The following ALDH9A1 variants were observed in gnomAD, a reference collection of about 807,000 sequenced individuals.
The protein encoded by ALDH9A1 is 4-trimethylaminobutyraldehyde dehydrogenase.
A neutral mutation model predicts 56.6 loss-of-function variants in ALDH9A1; 42 were observed. The ratio of observed to expected loss-of-function variants is 0.74; its 90% CI spans 0.58 to 0.96. The LOEUF (loss-of-function observed/expected upper bound fraction) is 0.96, where lower values mean the gene tolerates loss of function less well. ALDH9A1 is among the 40% of genes least tolerant of loss of function. The pLI, the probability that ALDH9A1 is intolerant of heterozygous loss-of-function variation, is 0.00. For missense variants in ALDH9A1, 661 were observed against 651.5 expected, an observed-to-expected ratio of 1.01 and a Z score of -0.16; for synonymous variants, 242 against 236.0, an observed-to-expected ratio of 1.03 and a Z score of -0.23.
Position 165,667,407 on chromosome 1 carries a change from A to C in ALDH9A1, c.1251T>G (p.Phe417Leu). The change falls in exon 9 of 11, where the codon TTT becomes TTG. Residue 417 changes from phenylalanine to leucine, a missense_variant. Phe to Leu is a conservative substitution (Grantham distance 22, BLOSUM62 0). Coordinates refer to ENST00000354775, the MANE Select transcript of ALDH9A1 (RefSeq NM_000696.4). The part of the protein sequence containing the change: ...DDMTCVKEEI[F>L]GPVMSILSFD... ...ATGATAAAATGGACATAACAGGCCC[A>C]AAGATCTCTTCCTTCACACAGGTCA... The C allele has an allele frequency of 1.2e-6, 2 of 1,614,154 alleles. No individual in the cohort carries two copies. The highest frequency in any genetic ancestry group is 4.5e-5 in the East Asian group (2 of 44,888).
intron 2 of ALDH9A1, 40 bp from the exon 3 acceptor site, chr1:165,683,150 AAT>A: frequency 6.2e-7 from 1 of 1,604,558 alleles, no homozygotes; most frequent in Non-Finnish European, 8.5e-7. Context: ...GACATATTCC[AAT>A]ATGTCTTGAT....
At chr1:165,667,242 T>C in intron 9 of ALDH9A1, 67 bp downstream of exon 9, 1 of 1,585,036 alleles carries the variant, frequency 6.3e-7, no homozygotes, top group Non-Finnish European at 8.6e-7. Flanking sequence ...TAGGATCAAT[T>C]AAATATCTAA....
At position 165,687,626 on chromosome 1, in the gene ALDH9A1, T is replaced by G. The variant is rs564326903; in HGVS notation, c.328-4516A>C. 2.0e-5 allele frequency among the ~76,000 whole-genome samples: 3 copies of G among 152,230 alleles called. No individual in the cohort carries two copies. The South Asian group carries it at 6.2e-4, about 32-fold the overall frequency. ...ATTTACCTACAATTCATTCAAAAAT[T>G]AATGCAAAAGAAAGACTTTTTTAGA... On this transcript the variant is annotated intron_variant, in intron 2 of 10. Transcript: ENST00000354775.
Position 165,672,290 on chromosome 1 carries a change from T to C in ALDH9A1, c.931-2840A>G, listed in dbSNP as rs955718440. Among the ~76,000 whole-genome samples, 4 of 152,174 alleles carry C rather than the reference T, an allele frequency of 2.6e-5. No homozygotes were observed. In the East Asian group the frequency reaches 7.7e-4, roughly 29 times the overall value. ...TGTGTGTGTGTGTATGTGTGCTGTG[T>C]GTGTATACATACATACAATGGAATA... On this transcript the variant is annotated intron_variant, in intron 6 of 10. Coordinates refer to ENST00000354775, the MANE Select transcript of ALDH9A1 (RefSeq NM_000696.4).
rs1440626989 is a variant in ALDH9A1, at chr1:165,698,395, G to T, written c.164C>A (p.Ala55Asp). The T allele has an allele frequency of 3.1e-6, 5 of 1,596,296 alleles. No individual in the cohort carries two copies. Among genetic ancestry groups the T allele is most frequent in the Non-Finnish European group, 4.3e-6 (5 of 1,172,836 alleles). Reference sequence around the variant, plus strand: ...GCAGTTACCGGTTGCTGGCTCGAAAGCTTTCTCGGTACCGGAGGCGTCCGC... The same window carrying T: ...GCAGTTACCGGTTGCTGGCTCGAAATCTTTCTCGGTACCGGAGGCGTCCGC... ...EPADASGTEK[A>D]FEPATGRVIA... The change falls in exon 1 of 11, where the codon GCT becomes GAT. Residue 55 changes from alanine (A) to aspartate (D), a missense_variant. Transcript: ENST00000354775.
chr1:165,666,039 G>C (rs986457767), intron 9 of ALDH9A1, among the ~76,000 whole-genome samples: 1 of 152,152 alleles, frequency 6.6e-6, no homozygotes. Flanking sequence ...CGAACAAAAA[G>C]TGGTACATAT....
chr1:165,686,581 T>A (rs2101751877), intron 2 of ALDH9A1, among the ~76,000 whole-genome samples: 1 of 151,172 alleles, frequency 6.6e-6, no homozygotes, highest in South Asian at 2.1e-4. Context: ...CCAGCCATGG[T>A]GAGAAAACCT....
chr1:165,680,651 T>C lies in ALDH9A1; in HGVS notation c.625A>G (p.Thr209Ala), dbSNP rs1200799354. ...NAMVFKPSPF[T>A]PVSALLLAEI... ...GCCAGTAGCAATGCAGAAACAGGTG[T>C]AAAGGGAGAAGGTTTAAAGACCATG... The change falls in exon 5 of 11, where the codon ACA becomes GCA. Residue 209 changes from threonine to alanine, a missense_variant. Thr to Ala is a moderately conservative substitution (Grantham distance 58). Transcript: ENST00000354775. 1.9e-6 allele frequency: 3 copies of C among 1,613,278 alleles called. No individual in the cohort carries two copies. Among genetic ancestry groups the C allele is most frequent in the African/African-American group, 1.3e-5 (1 of 74,828 alleles).
At chr1:165,672,276 GTA>G (rs1649201006) in intron 6 of ALDH9A1, among the ~76,000 whole-genome samples, 1 of 152,108 alleles carries the variant, frequency 6.6e-6, no homozygotes, top group Non-Finnish European at 1.5e-5. Flanking sequence ...GTGTGTGTGT[GTA>G]TGTGTGCTGT....
At chr1:165,671,655 G>T in intron 6 of ALDH9A1, 1 of 487,104 alleles carries the variant, frequency 2.1e-6, no homozygotes, top group Admixed American at 2.3e-5. Context: ...TGTTTGGCTC[G>T]ATATTATAAG....
chr1:165,698,118 C>T (rs1558015178), intron 1 of ALDH9A1: 2 of 898,510 alleles, frequency 2.2e-6, no homozygotes, highest in Non-Finnish European at 3.0e-6. Flanking sequence ...ACTTTGCGAA[C>T]TCTGTTCTGG....
At chr1:165,666,302 A>ACT (rs954434129) in intron 9 of ALDH9A1, among the ~76,000 whole-genome samples, 5 of 152,230 alleles carry the variant, frequency 3.3e-5, no homozygotes, top group Admixed American at 1.3e-4. Context: ...TCTTGAGATG[A>ACT]TGAAAGTGTC....
At chr1:165,675,580 G>C (rs1170402766) in intron 6 of ALDH9A1, among the ~76,000 whole-genome samples, 1 of 152,176 alleles carries the variant, frequency 6.6e-6, no homozygotes, top group Non-Finnish European at 1.5e-5. Context: ...GAGTACACAG[G>C]ATGGGGAGCA....
At position 165,662,635 on chromosome 1, in the gene ALDH9A1, T is replaced by C. The variant is rs2101731052; in HGVS notation, c.*415A>G. 1 of 156,766 alleles carries C rather than the reference T, an allele frequency of 6.4e-6. No homozygotes were observed. Among genetic ancestry groups the C allele is most frequent in the South Asian group, 2.0e-4 (1 of 5,048 alleles). The allele number at this position is 156,766 out of a possible 1,614,324, so 9.7% of individuals were successfully genotyped here. On this transcript the variant is annotated 3_prime_UTR_variant, in exon 11 of 11. Coordinates refer to ENST00000354775, the MANE Select transcript of ALDH9A1 (RefSeq NM_000696.4). ...GGAATGGAGAAGGAACAAAGAAATC[T>C]ACAAACTGGTTGTGATCAATTAGTT... is the stretch of plus-strand genomic sequence containing the variant.
Position 165,695,409 on chromosome 1 carries a change from G to A in ALDH9A1, c.182-12C>T, listed in dbSNP as rs571616719. 6.7e-5 allele frequency: 106 copies of A among 1,579,484 alleles called. 2 individuals are homozygous for A. The South Asian group carries it at 9.4e-4, about 14-fold the overall frequency. On this transcript the variant is annotated splice_polypyrimidine_tract_variant and intron_variant, in intron 1 of 10. Coordinates refer to ENST00000354775, the MANE Select transcript of ALDH9A1 (RefSeq NM_000696.4). ...AGCTATCACTCGGCCTATAAAGAGC[G>A]GAAACATCAGTTTTAACTCAAATTG...
At chr1:165,671,682 C>A in intron 6 of ALDH9A1, 4 of 467,560 alleles carry the variant, frequency 8.6e-6, no homozygotes, top group South Asian at 6.6e-5. Context: ...TGAGTCCTCT[C>A]TCCCAACTGG....
At chr1:165,683,942 T>A (rs1183449984) in intron 2 of ALDH9A1, among the ~76,000 whole-genome samples, 2 of 152,104 alleles carry the variant, frequency 1.3e-5, no homozygotes, top group African/African-American at 4.8e-5. Context: ...AATAATAGGG[T>A]GACTATCAGA....
rs561054856 is a variant in ALDH9A1 at position 165,696,569 on chromosome 1, T to C, written c.182-1172A>G. 2.6e-5 allele frequency among the ~76,000 whole-genome samples: 4 copies of C among 152,308 alleles called. No homozygotes were observed. The South Asian group carries it at 6.2e-4, about 24-fold the overall frequency. ...CAACCCTAAAGGAACATTTTTTTTT[T>C]CTCAAAAATTCCCAGATTTCCTTTT... On this transcript the variant is annotated intron_variant, in intron 1 of 10. Transcript: ENST00000354775.
At chr1:165,669,559 T>C in intron 6 of ALDH9A1, 109 bp from the exon 7 acceptor site, 1 of 972,890 alleles carries the variant, frequency 1.0e-6, no homozygotes. Context: ...ACACTATACA[T>C]TTTTTAAAAG....
Sources: allele counts gnomAD v4.1 joint callset (sites outside exome capture counted in the v4.1 genomes callset), GRCh38; gene constraint gnomAD v4.1.1; transcripts MANE v1.5; gene names NCBI Gene and HGNC (gene_info 2026-07-23, HGNC 2026-07-21).